The following TEKT1 variants were observed in gnomAD, a reference collection of about 807,000 sequenced individuals.
TEKT1 encodes tektin 1, also known as tektin-1.
TEKT1 carries 32 observed loss-of-function variants against 34.8 expected under a neutral mutation model. That is an observed-to-expected ratio of 0.92 (90% CI 0.69 to 1.23). TEKT1 has a LOEUF of 1.23. Ranked by LOEUF, TEKT1 falls within the 50% of genes most tolerant of loss-of-function variation. The pLI is 0.00. For synonymous variants in TEKT1, 207 were observed against 199.8 expected (o/e 1.04, Z -0.30); for missense variants, 492 against 518.5 (o/e 0.95, Z 0.50).
rs1434924560 is a variant in TEKT1, at chr17:6,815,852, T to C, written c.467A>G (p.Glu156Gly). 6.2e-7 allele frequency: 1 copy of C among 1,614,164 alleles called. No homozygotes were observed. Among genetic ancestry groups the C allele is most frequent in the Non-Finnish European group, 8.5e-7 (1 of 1,180,036 alleles). Residue 156 changes from glutamate to glycine, a missense_variant, in exon 4 of 8, where the codon GAG (glutamate) becomes GGG (glycine). Transcript: ENST00000338694. Reference sequence around the variant, plus strand: ...GTCATACCGAATCTGCTCGGAAGCCTCCTCCAAGGTACGGGTCAGCAGAGC... The same window carrying C: ...GTCATACCGAATCTGCTCGGAAGCCCCCTCCAAGGTACGGGTCAGCAGAGC... ...IMALLTRTLE[E>G]ASEQIRMNRS...
chr17:6,815,037 T>C (rs55709508), intron 5 of TEKT1, 126 bp downstream of exon 5: 112,367 of 1,207,644 alleles, frequency 0.093, 5,859 homozygotes, highest in Middle Eastern at 0.18. Flanking sequence ...CACCATTCAA[T>C]GCTGCCTTTG....
At chr17:6,827,322 C>T (rs908773410) in intron 2 of TEKT1, among the ~76,000 whole-genome samples, 1 of 143,188 alleles carries the variant, frequency 7.0e-6, no homozygotes, top group Non-Finnish European at 1.5e-5. Context: ...AGTGCAGTGG[C>T]GTGATCTCGG....
chr17:6,810,111 A>G (rs1005542765), intron 6 of TEKT1, among the ~76,000 whole-genome samples: 9 of 152,322 alleles, frequency 5.9e-5, no homozygotes, highest in African/African-American at 1.9e-4. Context: ...TCATCAATGA[A>G]TGAGAGTTCC....
chr17:6,830,887 C>CA (rs1904556226), intron 1 of TEKT1, among the ~76,000 whole-genome samples: 1 of 152,044 alleles, frequency 6.6e-6, no homozygotes, highest in South Asian at 2.1e-4. Context: ...TTAATAGTCT[C>CA]ATACATGTCT....
chr17:6,800,948 CA>C lies in TEKT1; in HGVS notation c.853-6del. Reference sequence around the variant, plus strand: ...GGAAGCAATCTCTTCCATGACCTTACAAAAAGGATTAGAGTAGGTGAGGCCA... The same window carrying C: ...GGAAGCAATCTCTTCCATGACCTTACAAAAGGATTAGAGTAGGTGAGGCCA... On this transcript the variant is annotated splice_region_variant and splice_polypyrimidine_tract_variant and intron_variant, in intron 6 of 7. Transcript: ENST00000338694. The C allele has an allele frequency of 1.2e-6, 2 of 1,607,916 alleles. No individual in the cohort carries two copies. The highest frequency in any genetic ancestry group is 2.2e-5 in the East Asian group (1 of 44,804).
intron 2 of TEKT1, among the ~76,000 whole-genome samples, chr17:6,820,986 G>A (rs1246592991): frequency 6.6e-6 from 1 of 152,156 alleles, no homozygotes; most frequent in African/African-American, 2.4e-5. Context: ...ATTTGGAATT[G>A]TGATTGTGTC....
intron 6 of TEKT1, among the ~76,000 whole-genome samples, chr17:6,801,438 G>C (rs1441169745): frequency 6.6e-6 from 1 of 152,174 alleles, no homozygotes; most frequent in African/African-American, 2.4e-5. Flanking sequence ...GGCCAGATGT[G>C]GTGGCTCACA....
intron 6 of TEKT1, among the ~76,000 whole-genome samples, chr17:6,804,674 T>C (rs1976822084): frequency 6.6e-6 from 1 of 152,168 alleles, no homozygotes; most frequent in Non-Finnish European, 1.5e-5. Context: ...GCATGAAGCG[T>C]TGTTGAATTT....
At chr17:6,830,832 G>A (rs1293747257) in intron 1 of TEKT1, among the ~76,000 whole-genome samples, 2 of 152,026 alleles carry the variant, frequency 1.3e-5, no homozygotes, top group African/African-American at 4.8e-5. Context: ...TACTGTTTAT[G>A]GATATTTGGG....
intron 2 of TEKT1, among the ~76,000 whole-genome samples, chr17:6,820,732 T>C (rs1726782691): frequency 6.6e-6 from 1 of 152,294 alleles, no homozygotes; most frequent in Middle Eastern, 3.4e-3. Context: ...ATCCTATGAC[T>C]TTGCTTCCAG....
chr17:6,817,543 C>T (rs1977023162), intron 3 of TEKT1, among the ~76,000 whole-genome samples: 1 of 152,136 alleles, frequency 6.6e-6, no homozygotes, highest in South Asian at 2.1e-4. Context: ...GATGGGGAAA[C>T]TGAGTTTCAG....
At chr17:6,805,500 T>A (rs1436658103) in intron 6 of TEKT1, among the ~76,000 whole-genome samples, 1 of 152,224 alleles carries the variant, frequency 6.6e-6, no homozygotes, top group Non-Finnish European at 1.5e-5. Flanking sequence ...ATTTCTTGCC[T>A]TCTGCTAGCT....
chr17:6,821,231 G>C (rs1251263902), intron 2 of TEKT1, among the ~76,000 whole-genome samples: 2 of 152,154 alleles, frequency 1.3e-5, no homozygotes, highest in Middle Eastern at 3.2e-3. Flanking sequence ...ATCTCCAGCT[G>C]TTATCCTCAC....
At chr17:6,829,820 A>C (rs965376146) in intron 2 of TEKT1, among the ~76,000 whole-genome samples, 1 of 152,112 alleles carries the variant, frequency 6.6e-6, no homozygotes, top group African/African-American at 2.4e-5. Flanking sequence ...CCATGGATAC[A>C]AAGGGCTGAC....
chr17:6,818,326 A>G lies in TEKT1; in HGVS notation c.356+867T>C, dbSNP rs148671013. On this transcript the variant is annotated intron_variant, in intron 3 of 7. Transcript: ENST00000338694. ...CTAGATTATAGGGGACTATGCTAAC[A>G]GCAAGAAGACCTGTTAGGGCACTCC... Among the ~76,000 whole-genome samples the G allele has an allele frequency of 2.9e-3, 443 of 152,342 alleles. 8 individuals carry two copies. The highest frequency in any genetic ancestry group is 8.4e-3 in the African/African-American group (348 of 41,574).
chr17:6,815,494 A>G (rs1207628698), intron 4 of TEKT1, among the ~76,000 whole-genome samples, 188 bp from the exon 5 acceptor site: 2 of 150,552 alleles, frequency 1.3e-5, no homozygotes, highest in African/African-American at 2.4e-5. Context: ...ACGTAACCAA[A>G]TGTGGACTTG....
In TEKT1 at chr17:6,800,867, G is replaced by A; in HGVS notation, c.929C>T (p.Ala310Val). 6.2e-7 allele frequency: 1 copy of A among 1,614,158 alleles called. No homozygotes were observed. The highest frequency in any genetic ancestry group is 8.5e-7 in the Non-Finnish European group (1 of 1,180,016). Residue 310 changes from alanine (A) to valine (V), a missense_variant, in exon 7 of 8, where the codon GCC (alanine) becomes GTC (valine). By Grantham distance (64) the Ala-to-Val change is moderately conservative. Coordinates refer to ENST00000338694, the MANE Select transcript of TEKT1 (RefSeq NM_053285.2). ...CTCCAAGCGCGTATGAGCCACCTTG[G>A]CTGGCCCTTCTTGGTCAAGGATGGC... ...EKAILDQEGP[A>V]KVAHTRLETR...
At chr17:6,829,226 GTTC>G (rs1904494317) in intron 2 of TEKT1, among the ~76,000 whole-genome samples, 1 of 152,134 alleles carries the variant, frequency 6.6e-6, no homozygotes, top group Non-Finnish European at 1.5e-5. Flanking sequence ...TCAAGTAAAT[GTTC>G]TTCTCTAGAA....
At chr17:6,800,335 T>C (rs1976752516) in intron 7 of TEKT1, 101 bp from the exon 8 acceptor site, 1 of 924,310 alleles carries the variant, frequency 1.1e-6, no homozygotes, top group South Asian at 1.7e-5. Flanking sequence ...GCCAAATTGA[T>C]ATGTGCTCTT....
Sources: allele counts gnomAD v4.1 joint callset (sites outside exome capture counted in the v4.1 genomes callset), GRCh38; gene constraint gnomAD v4.1.1; transcripts MANE v1.5; gene names NCBI Gene and HGNC (gene_info 2026-07-23, HGNC 2026-07-21).